The following PDE4D variants were observed in gnomAD, a reference collection of about 807,000 sequenced individuals.
PDE4D encodes the protein phosphodiesterase 4D, also known as 3',5'-cyclic-AMP phosphodiesterase 4D.
PDE4D carries 24 observed loss-of-function variants against 87.4 expected under a neutral mutation model. The observed-to-expected ratio is 0.27, with a 90% confidence interval of 0.20 to 0.39. PDE4D has a LOEUF of 0.39. Ranked by LOEUF, PDE4D falls within the 10% of genes least tolerant of loss-of-function variation. The pLI, the probability that PDE4D is intolerant of heterozygous loss-of-function variation, is 1.00. For synonymous variants in PDE4D, 384 were observed against 383.2 expected, an observed-to-expected ratio of 1.00 and a Z score of -0.02; for missense variants, 714 against 1,041.0, an observed-to-expected ratio of 0.69 and a Z score of 4.32.
At chr5:59,670,401 GT>G in intron 1 of PDE4D, among the ~76,000 whole-genome samples, 1 of 152,266 alleles carries the variant, frequency 6.6e-6, no homozygotes, top group East Asian at 1.9e-4. Context: ...GATGTCACAG[GT>G]GGAAAATTCC....
chr5:60,374,524 G>T (rs1198814366), intron 1 of PDE4D, among the ~76,000 whole-genome samples: 3 of 152,196 alleles, frequency 2.0e-5, no homozygotes, highest in Non-Finnish European at 4.4e-5. Context: ...AACTACTGAA[G>T]TCGCCCATGA....
chr5:59,325,028 G>C (rs555314574), intron 1 of PDE4D, among the ~76,000 whole-genome samples: 1 of 152,250 alleles, frequency 6.6e-6, no homozygotes. Flanking sequence ...GAAGTCTTCT[G>C]ATTTATTTTC....
chr5:59,354,833 T>A (rs1197195349), intron 1 of PDE4D, among the ~76,000 whole-genome samples: 1 of 152,202 alleles, frequency 6.6e-6, no homozygotes, highest in African/African-American at 2.4e-5. Flanking sequence ...TTACTGGCAT[T>A]TTTGCTGTAT....
chr5:59,207,620 T>C (rs1749091792), intron 2 of PDE4D, among the ~76,000 whole-genome samples: 1 of 152,202 alleles, frequency 6.6e-6, no homozygotes, highest in Non-Finnish European at 1.5e-5. Context: ...ATTCTGAGTT[T>C]ACTTTCTTCT....
At chr5:59,180,558 C>G in intron 5 of PDE4D, 37 bp downstream of exon 5, 1 of 1,577,962 alleles carries the variant, frequency 6.3e-7, no homozygotes. Context: ...TGGTTTCTTC[C>G]TAGACACATG....
intron 1 of PDE4D, among the ~76,000 whole-genome samples, chr5:60,363,204 T>C (rs1760227504): frequency 6.6e-6 from 1 of 152,212 alleles, no homozygotes; most frequent in African/African-American, 2.4e-5. Context: ...GTATGATTTA[T>C]ATAACTATAT....
At chr5:60,029,135 A>G (rs532251966) in intron 2 of PDE4D, among the ~76,000 whole-genome samples, 1 of 152,310 alleles carries the variant, frequency 6.6e-6, no homozygotes, top group East Asian at 1.9e-4. Flanking sequence ...TAATTTTGTT[A>G]CATGCATAGA....
intron 5 of PDE4D, among the ~76,000 whole-genome samples, chr5:59,138,072 C>A (rs1376439939): frequency 6.6e-6 from 1 of 152,190 alleles, no homozygotes; most frequent in Non-Finnish European, 1.5e-5. Flanking sequence ...CTGTTAGTAT[C>A]CATGGCAAGA....
chr5:59,421,915 C>T (rs1320257505), intron 1 of PDE4D, among the ~76,000 whole-genome samples: 2 of 152,202 alleles, frequency 1.3e-5, no homozygotes, highest in African/African-American at 4.8e-5. Context: ...TACCAGGACC[C>T]AGACAAAGCA....
chr5:59,001,960 C>A (rs1043198123), intron 6 of PDE4D: 4 of 449,246 alleles, frequency 8.9e-6, no homozygotes, highest in African/African-American at 6.1e-5. Context: ...CCTTGAGTAA[C>A]CCGGCATGTT....
At chr5:59,487,321 G>C (rs1805330700) in intron 1 of PDE4D, among the ~76,000 whole-genome samples, 1 of 152,178 alleles carries the variant, frequency 6.6e-6, no homozygotes, top group South Asian at 2.1e-4. Context: ...ATTTCAAGTT[G>C]ATAGGACATT....
In PDE4D at chr5:60,006,339, T is replaced by G. The variant is rs1764477020; in HGVS notation, c.43-17622A>C. On this transcript the variant is annotated intron_variant, in intron 2 of 16. Coordinates refer to the PDE4D transcript ENST00000502484. ...TATTCTCTGTACTTTTGCATATATT[T>G]GAAATTCTCAACTACGTATTTTTAA... is the stretch of plus-strand genomic sequence containing the variant. 2.0e-5 allele frequency among the ~76,000 whole-genome samples: 3 copies of G among 152,092 alleles called. No individual in the cohort carries two copies. The South Asian group carries it at 6.2e-4, about 32-fold the overall frequency.
At chr5:59,810,315 A>G (rs1160813254) in intron 1 of PDE4D, among the ~76,000 whole-genome samples, 1 of 152,252 alleles carries the variant, frequency 6.6e-6, no homozygotes, top group Non-Finnish European at 1.5e-5. Context: ...CAATGTATAC[A>G]GTTGCTGACA....
intron 1 of PDE4D, among the ~76,000 whole-genome samples, chr5:59,574,061 AATATATATATTT>A (rs1414547162): frequency 0.01 from 319 of 31,882 alleles, 6 homozygotes; most frequent in African/African-American, 0.039. Flanking sequence ...TATATATAAA[AATATATATATTT>A]ATATATATAT....
intron 1 of PDE4D, chr5:59,275,361 G>A (rs1764594529): frequency 6.3e-7 from 1 of 1,597,132 alleles, no homozygotes; most frequent in Non-Finnish European, 8.5e-7. Context: ...CAGTCCTTAG[G>A]GAACTTGTAG....
chr5:59,911,296 A>G (rs185163525), intron 3 of PDE4D, among the ~76,000 whole-genome samples: 1 of 152,078 alleles, frequency 6.6e-6, no homozygotes, highest in Non-Finnish European at 1.5e-5. Flanking sequence ...TGCTTGAGAT[A>G]TTTTTTGGAC....
At chr5:59,131,880 T>G (rs1776344092) in intron 5 of PDE4D, among the ~76,000 whole-genome samples, 1 of 152,164 alleles carries the variant, frequency 6.6e-6, no homozygotes, top group Non-Finnish European at 1.5e-5. Flanking sequence ...TGGGAACCAT[T>G]GACTTAGCAG....
chr5:59,637,634 A>T (rs1157195298), intron 1 of PDE4D, among the ~76,000 whole-genome samples: 1 of 152,050 alleles, frequency 6.6e-6, no homozygotes, highest in Non-Finnish European at 1.5e-5. Context: ...CATCATTCTT[A>T]GCAAACTAAC....
chr5:59,825,877 T>A (rs6885294), intron 1 of PDE4D, among the ~76,000 whole-genome samples: 3,678 of 152,134 alleles, frequency 0.024, 114 homozygotes, highest in African/African-American at 0.069. Flanking sequence ...TACTCAATTG[T>A]TCTGCAATTA....
Sources: allele counts gnomAD v4.1 joint callset (sites outside exome capture counted in the v4.1 genomes callset), GRCh38; gene constraint gnomAD v4.1.1; transcripts MANE v1.5; gene names NCBI Gene and HGNC (gene_info 2026-07-23, HGNC 2026-07-21).